IPPK: variants seen among roughly 807,000 people sequenced by gnomAD.
The protein encoded by IPPK is IPK1 homolog.
A neutral mutation model predicts 64.6 loss-of-function variants in IPPK; 22 were observed. The ratio of observed to expected loss-of-function variants is 0.34; its 90% CI spans 0.24 to 0.49. The LOEUF is 0.49. Ranked by LOEUF, IPPK falls within the 20% of genes least tolerant of loss-of-function variation. IPPK has a pLI of 0.99. For missense variants in IPPK, 532 were observed against 630.7 expected, an observed-to-expected ratio of 0.84 and a Z score of 1.68; for synonymous variants, 262 against 247.2, an observed-to-expected ratio of 1.06 and a Z score of -0.56.
intron 1 of IPPK, among the ~76,000 whole-genome samples, chr9:92,661,305 G>C (rs1458400810): frequency 6.6e-6 from 1 of 152,230 alleles, no homozygotes; most frequent in Non-Finnish European, 1.5e-5. Context: ...CAAAGGTCAA[G>C]GTCATGTGGG....
chr9:92,650,083 G>A (rs2131450855), intron 4 of IPPK, among the ~76,000 whole-genome samples: 1 of 151,734 alleles, frequency 6.6e-6, no homozygotes, highest in Admixed American at 6.6e-5. Flanking sequence ...CAGCACTTTG[G>A]GAGGCCTAAG....
chr9:92,642,637 C>G, intron 7 of IPPK, 115 bp downstream of exon 7: 2 of 852,200 alleles, frequency 2.3e-6, no homozygotes, highest in Non-Finnish European at 2.0e-6. Context: ...GAAGACAGAA[C>G]AGGGCCTTCC....
rs778943382 is a variant in IPPK at position 92,670,000 on chromosome 9, GC to G, written c.-13del. The G allele has an allele frequency of 1.5e-5, 24 of 1,602,784 alleles. No homozygotes were observed. In the South Asian group the frequency reaches 2.7e-4, roughly 18 times the overall value. On this transcript the variant is annotated 5_prime_UTR_variant, in exon 1 of 13. Transcript: ENST00000287996. ...TTCCCCTCTTCCATGCCCAGGCGCA[GC>G]CCTGGCGCCTCGCGGGCTAGGACTC...
chr9:92,661,628 C>G (rs1243734718), intron 1 of IPPK, among the ~76,000 whole-genome samples: 1 of 152,218 alleles, frequency 6.6e-6, no homozygotes, highest in Admixed American at 6.5e-5. Context: ...AGCCCAAGAG[C>G]CACAACCAAC....
chr9:92,638,596 C>T (rs1851989377), intron 8 of IPPK, among the ~76,000 whole-genome samples: 1 of 152,238 alleles, frequency 6.6e-6, no homozygotes. Flanking sequence ...CAAATGCTCA[C>T]CACAAGTGAC....
At chr9:92,654,967 G>C (rs1012985715) in intron 3 of IPPK, among the ~76,000 whole-genome samples, 7 of 152,232 alleles carry the variant, frequency 4.6e-5, no homozygotes, top group African/African-American at 7.2e-5. Flanking sequence ...GAGCCTTCAG[G>C]TTCCTCCAGT....
chr9:92,633,775 T>A (rs1481884334), intron 11 of IPPK, among the ~76,000 whole-genome samples: 1 of 152,218 alleles, frequency 6.6e-6, no homozygotes, highest in Non-Finnish European at 1.5e-5. Context: ...AGTGGCAAAC[T>A]CCTGGGTCCT....
rs753571517 is a variant in IPPK, at chr9:92,635,386, C to T, written c.917-78G>A. On this transcript the variant is annotated intron_variant, in intron 9 of 12. Coordinates refer to ENST00000287996, the MANE Select transcript of IPPK (RefSeq NM_022755.6). This position sits in a 1 kb window ranked among gnomAD's most constrained non-coding sequence, Gnocchi z 4.4. Reference sequence around the variant, plus strand: ...GAGGGAGACACAGGCCGGCGCAGACCGCAGGGCTCATCCTGGGCTCCGCCA... The same window carrying T: ...GAGGGAGACACAGGCCGGCGCAGACTGCAGGGCTCATCCTGGGCTCCGCCA... The T allele has an allele frequency of 3.8e-4, 563 of 1,473,768 alleles. 1 individual carries two copies. Among genetic ancestry groups the T allele is most frequent in the Non-Finnish European group, 4.9e-4 (532 of 1,085,708 alleles). 91.3% of individuals were successfully genotyped at this position (1,473,768 alleles called of 1,614,324 possible).
In IPPK at chr9:92,615,966, T is replaced by G. The variant is rs145260601; in HGVS notation, c.1342A>C (p.Ile448Leu). The change falls in exon 13 of 13, where the codon ATT becomes CTT. Residue 448 changes from isoleucine (I) to leucine (L), a missense_variant. Coordinates refer to ENST00000287996, the MANE Select transcript of IPPK (RefSeq NM_022755.6). ...LDLDLKPYES[I>L]PHQYKLDGKI... ...CCGTCCAGTTTATACTGATGGGGAA[T>G]GCTCTCGTAGGGCTTGAGGTCAAGG... The G allele has an allele frequency of 5.0e-5, 80 of 1,614,006 alleles. No homozygotes were observed. The highest frequency in any genetic ancestry group is 6.4e-5 in the Non-Finnish European group (75 of 1,180,020).
At chr9:92,618,064 G>C (rs1197095817) in intron 12 of IPPK, 3 of 354,968 alleles carry the variant, frequency 8.5e-6, no homozygotes, top group African/African-American at 6.4e-5. Flanking sequence ...GCCTTAGTTT[G>C]TCCCTAGGCC....
chr9:92,628,201 T>C (rs1217382574), intron 11 of IPPK, among the ~76,000 whole-genome samples: 1 of 152,102 alleles, frequency 6.6e-6, no homozygotes, highest in East Asian at 1.9e-4. Flanking sequence ...AAAACCAAGA[T>C]CTAAATAAAT....
intron 10 of IPPK, 40 bp from the exon 11 acceptor site, chr9:92,634,528 G>T: frequency 7.0e-7 from 1 of 1,427,466 alleles, no homozygotes; most frequent in Non-Finnish European, 9.9e-7. Context: ...TGACAAAGCC[G>T]CACGGAGGTT....
intron 1 of IPPK, 57 bp from the exon 2 acceptor site, chr9:92,658,738 G>A (rs961538006): frequency 5.9e-6 from 9 of 1,516,452 alleles, no homozygotes; most frequent in Non-Finnish European, 7.3e-6. Context: ...GGCACAAGGT[G>A]TCAGTCAGTT....
intron 11 of IPPK, among the ~76,000 whole-genome samples, chr9:92,621,507 C>CTTTT (rs58003734): frequency 0.01 from 899 of 87,788 alleles, 15 homozygotes; most frequent in African/African-American, 0.015. Context: ...AATACCATTC[C>CTTTT]TTTTTTTTTT....
At chr9:92,622,833 G>A (rs1194720403) in intron 11 of IPPK, among the ~76,000 whole-genome samples, 1 of 152,072 alleles carries the variant, frequency 6.6e-6, no homozygotes, top group African/African-American at 2.4e-5. Flanking sequence ...GCCAAGATAT[G>A]CTTGAAGAAG....
rs576905467 is a variant in IPPK at position 92,649,336 on chromosome 9, A to C, written c.414+117T>G. 2.8e-4 allele frequency: 336 copies of C among 1,202,644 alleles called. 3 individuals are homozygous for C. The highest frequency in any genetic ancestry group is 2.8e-3 in the Middle Eastern group (13 of 4,696). 74.5% of individuals were successfully genotyped at this position (1,202,644 alleles called of 1,614,324 possible). A position where few individuals can be genotyped will look rare whatever the true frequency, so the allele number is the denominator to read the frequency against. ...AAACAAGTGGAGTTTCCAGGAGCCA[A>C]GGGTGCCTACCACTCACTTCAGTGG... On this transcript the variant is annotated intron_variant, in intron 5 of 12. Transcript: ENST00000287996.
intron 5 of IPPK, among the ~76,000 whole-genome samples, chr9:92,648,777 G>T (rs7869521): frequency 0.32 from 49,030 of 152,082 alleles, 9,360 homozygotes; most frequent in African/African-American, 0.52. Flanking sequence ...GGGAACAAAG[G>T]CCAGGGCATG....
intron 5 of IPPK, among the ~76,000 whole-genome samples, chr9:92,648,871 A>G (rs1852200861): frequency 6.6e-6 from 1 of 152,202 alleles, no homozygotes; most frequent in Non-Finnish European, 1.5e-5. Context: ...TGGCCCATCC[A>G]GCCCCCACTG....
chr9:92,618,433 GT>G (rs1323197698), intron 12 of IPPK: 1 of 456,574 alleles, frequency 2.2e-6, no homozygotes, highest in Non-Finnish European at 4.4e-6. Context: ...GCTAGACGAG[GT>G]GAGTAACATG....
Sources: allele counts gnomAD v4.1 joint callset (sites outside exome capture counted in the v4.1 genomes callset), GRCh38; gene constraint gnomAD v4.1.1; non-coding constraint Gnocchi (gnomAD v3.1); transcripts MANE v1.5; gene names NCBI Gene and HGNC (gene_info 2026-07-23, HGNC 2026-07-21).